The following NEGR1 variants were observed in gnomAD, a reference collection of about 807,000 sequenced individuals.
NEGR1 encodes neuronal growth regulator 1.
Under a neutral mutation model 40.9 loss-of-function variants are expected in NEGR1, and 10 were observed. The ratio of observed to expected loss-of-function variants is 0.24; its 90% CI spans 0.15 to 0.42. The LOEUF is 0.42. Among genes scored for constraint, NEGR1 ranks in the 10% least tolerant of loss-of-function variants. NEGR1 has a pLI of 1.00. For synonymous variants in NEGR1, 185 were observed against 166.8 expected (o/e 1.11, Z -0.84); for missense variants, 352 against 438.9 (o/e 0.80, Z 1.77).
intron 2 of NEGR1, among the ~76,000 whole-genome samples, chr1:71,837,588 CTT>C (rs1252260094): frequency 6.6e-6 from 1 of 152,060 alleles, no homozygotes; most frequent in Non-Finnish European, 1.5e-5. Context: ...CTGCATCACT[CTT>C]TTAATAACTG....
chr1:71,797,924 T>C (rs1405282213), intron 2 of NEGR1, among the ~76,000 whole-genome samples: 2 of 152,018 alleles, frequency 1.3e-5, no homozygotes, highest in African/African-American at 4.8e-5. Context: ...CCTGCATCAC[T>C]ATAGTATCTA....
chr1:71,508,607 T>A (rs571912267), intron 6 of NEGR1, among the ~76,000 whole-genome samples: 65 of 152,226 alleles, frequency 4.3e-4, no homozygotes, highest in Admixed American at 7.2e-4. Context: ...ATTTGGAAAA[T>A]CAGAGATAGC....
At chr1:71,797,693 C>G (rs571596048) in intron 2 of NEGR1, among the ~76,000 whole-genome samples, 3 of 152,078 alleles carry the variant, frequency 2.0e-5, no homozygotes, top group African/African-American at 7.2e-5. Flanking sequence ...AGCAGTCTTT[C>G]CTGTTTTCTT....
At chr1:71,862,106 C>T (rs1432660602) in intron 2 of NEGR1, among the ~76,000 whole-genome samples, 2 of 151,920 alleles carry the variant, frequency 1.3e-5, no homozygotes, top group Non-Finnish European at 1.5e-5. Context: ...TTCTTTTCTT[C>T]CAATGTGAAT....
intron 1 of NEGR1, among the ~76,000 whole-genome samples, chr1:71,999,676 TATACATAC>T (rs1008860056): frequency 7.7e-5 from 4 of 52,224 alleles, no homozygotes; most frequent in African/African-American, 2.6e-4. Context: ...TATATATATA[TATACATAC>T]ATATTTTTGT....
intron 3 of NEGR1, among the ~76,000 whole-genome samples, chr1:71,736,946 G>A (rs1287337242): frequency 6.6e-6 from 1 of 152,168 alleles, no homozygotes; most frequent in Non-Finnish European, 1.5e-5. Flanking sequence ...CATTTTGGAT[G>A]GGCTCTGTAA....
intron 2 of NEGR1, among the ~76,000 whole-genome samples, chr1:71,894,724 C>T (rs1292681353): frequency 3.3e-5 from 5 of 152,148 alleles, no homozygotes; most frequent in African/African-American, 1.2e-4. Context: ...CTTGAAGTCT[C>T]TCAATAAGTT....
intron 3 of NEGR1, among the ~76,000 whole-genome samples, chr1:71,704,076 A>C (rs2101635113): frequency 6.6e-6 from 1 of 152,034 alleles, no homozygotes; most frequent in South Asian, 2.1e-4. Context: ...ATTTTACACT[A>C]AGAAACTGAA....
intron 6 of NEGR1, among the ~76,000 whole-genome samples, chr1:71,522,725 C>A (rs541092942): frequency 1.0e-5 from 1 of 97,258 alleles, no homozygotes; most frequent in Non-Finnish European, 2.4e-5. Context: ...CCTCTACCCC[C>A]CCCTTACACA....
At chr1:71,661,795 A>G (rs1004188579) in intron 4 of NEGR1, among the ~76,000 whole-genome samples, 7 of 152,210 alleles carry the variant, frequency 4.6e-5, no homozygotes, top group Non-Finnish European at 2.9e-5. Context: ...TCTACCTCTT[A>G]GTAGTTCTAC....
At chr1:72,106,290 C>G (rs1421858072) in intron 1 of NEGR1, among the ~76,000 whole-genome samples, 1 of 151,986 alleles carries the variant, frequency 6.6e-6, no homozygotes, top group African/African-American at 2.4e-5. Context: ...CCTACTTTTC[C>G]TCTTACACTA....
chr1:71,698,348 C>T (rs1175213067), intron 3 of NEGR1, among the ~76,000 whole-genome samples: 6 of 151,804 alleles, frequency 4.0e-5, no homozygotes, highest in Non-Finnish European at 8.8e-5. Context: ...CAACTATTTC[C>T]CCAGAACAGG....
intron 4 of NEGR1, among the ~76,000 whole-genome samples, chr1:71,626,784 T>C (rs572543401): frequency 6.6e-6 from 1 of 151,676 alleles, no homozygotes; most frequent in African/African-American, 2.4e-5. Context: ...TACAATGAAC[T>C]CAAACAAATT....
intron 3 of NEGR1, among the ~76,000 whole-genome samples, chr1:71,775,680 A>G (rs762389512): frequency 2.0e-5 from 3 of 150,076 alleles, no homozygotes; most frequent in Non-Finnish European, 4.4e-5. Flanking sequence ...GCCTTTAAGT[A>G]TGAAGAGTAA....
At chr1:71,897,462 C>G (rs1474127277) in intron 2 of NEGR1, among the ~76,000 whole-genome samples, 1 of 152,148 alleles carries the variant, frequency 6.6e-6, no homozygotes, top group Non-Finnish European at 1.5e-5. Flanking sequence ...GTGTGAAATA[C>G]TAGTCTGATA....
At chr1:71,521,448 G>T (rs2101430511) in intron 6 of NEGR1, among the ~76,000 whole-genome samples, 1 of 152,128 alleles carries the variant, frequency 6.6e-6, no homozygotes, top group Non-Finnish European at 1.5e-5. Flanking sequence ...TTCTGAATGA[G>T]TTGAGACATG....
chr1:71,711,341 C>CAAAAAAAAAAA (rs59376519), intron 3 of NEGR1, among the ~76,000 whole-genome samples: 3 of 58,702 alleles, frequency 5.1e-5, no homozygotes, highest in Non-Finnish European at 9.0e-5. Context: ...GAGATTCCAC[C>CAAAAAAAAAAA]AAAAAAAAAA....
chr1:72,049,086 G>A (rs1430871903), intron 1 of NEGR1, among the ~76,000 whole-genome samples: 2 of 151,486 alleles, frequency 1.3e-5, no homozygotes, highest in African/African-American at 4.8e-5. Context: ...AACTAGAAGG[G>A]CTGAGTCAAG....
intron 3 of NEGR1, among the ~76,000 whole-genome samples, chr1:71,747,751 C>T (rs562864190): frequency 4.6e-5 from 7 of 151,902 alleles, no homozygotes; most frequent in Middle Eastern, 3.4e-3. Context: ...TAGAAACAAT[C>T]GAAGAGACCA....
Sources: allele counts gnomAD v4.1 joint callset (sites outside exome capture counted in the v4.1 genomes callset), GRCh38; gene constraint gnomAD v4.1.1; transcripts MANE v1.5; gene names NCBI Gene and HGNC (gene_info 2026-07-23, HGNC 2026-07-21).